The following DOCK1 variants were observed in gnomAD, a reference collection of about 807,000 sequenced individuals.
The protein encoded by DOCK1 is dedicator of cytokinesis protein 1.
Under a neutral mutation model 262.7 loss-of-function variants are expected in DOCK1, and 138 were observed. The observed-to-expected ratio is 0.53, with a 90% CI of 0.46 to 0.61. The LOEUF (loss-of-function observed/expected upper bound fraction) is 0.61. Among genes scored for constraint, DOCK1 ranks in the 20% least tolerant of loss-of-function variants. The pLI is 0.00. For missense variants in DOCK1, 1,908 were observed against 2,370.7 expected (o/e 0.80, Z 4.05); for synonymous variants, 866 against 867.4 (o/e 1.00, Z 0.03).
chr10:127,022,299 AGGCTG>A (rs2135441523), intron 13 of DOCK1, among the ~76,000 whole-genome samples: 1 of 151,672 alleles, frequency 6.6e-6, no homozygotes, highest in African/African-American at 2.4e-5. Flanking sequence ...CCCTGATTCT[AGGCTG>A]GTGATCCTCA....
At chr10:127,192,044 G>A (rs1318305468) in intron 27 of DOCK1, among the ~76,000 whole-genome samples, 1 of 152,212 alleles carries the variant, frequency 6.6e-6, no homozygotes, top group African/African-American at 2.4e-5. Context: ...ACTTCAACAA[G>A]CATTTTGATA....
chr10:127,302,742 G>A (rs1324772453), intron 29 of DOCK1, among the ~76,000 whole-genome samples: 79 of 71,434 alleles, frequency 1.1e-3, no homozygotes, highest in South Asian at 3.1e-3. Context: ...AAAAGAGGGG[G>A]TGTGTGTGTG....
intron 49 of DOCK1, 113 bp from the exon 50 acceptor site, chr10:127,444,013 A>T: frequency 7.3e-7 from 1 of 1,362,186 alleles, no homozygotes; most frequent in Non-Finnish European, 1.0e-6. Context: ...ATTTCCAGTT[A>T]AGGTCATATT....
At chr10:127,336,727 A>G (rs373681112) in intron 29 of DOCK1, among the ~76,000 whole-genome samples, 63 of 151,848 alleles carry the variant, frequency 4.1e-4, no homozygotes, top group East Asian at 2.9e-3. Context: ...TTTTAGTAGA[A>G]ACGGGGTTTC....
At chr10:127,088,481 T>A (rs761090496) in intron 23 of DOCK1, among the ~76,000 whole-genome samples, 1 of 152,230 alleles carries the variant, frequency 6.6e-6, no homozygotes, top group Non-Finnish European at 1.5e-5. Context: ...TGGATATATG[T>A]CTCTGAACTC....
intron 28 of DOCK1, among the ~76,000 whole-genome samples, chr10:127,252,721 G>T (rs1278310933): frequency 2.7e-5 from 4 of 150,398 alleles, no homozygotes; most frequent in African/African-American, 9.7e-5. Flanking sequence ...ATTTCTGAGG[G>T]CTCTGTTCTG....
At chr10:127,119,894 T>A (rs536259087) in intron 25 of DOCK1, among the ~76,000 whole-genome samples, 2 of 152,262 alleles carry the variant, frequency 1.3e-5, no homozygotes, top group South Asian at 4.1e-4. Flanking sequence ...ATAATGCTTA[T>A]TGAATACCTT....
chr10:127,388,334 CATA>C (rs2066256833), intron 38 of DOCK1, among the ~76,000 whole-genome samples: 1 of 152,156 alleles, frequency 6.6e-6, no homozygotes, highest in African/African-American at 2.4e-5. Flanking sequence ...TCTGAATATC[CATA>C]ATATTTCCAC....
intron 27 of DOCK1, among the ~76,000 whole-genome samples, chr10:127,226,590 A>G (rs2058650142): frequency 6.6e-6 from 1 of 152,042 alleles, no homozygotes; most frequent in Non-Finnish European, 1.5e-5. Context: ...TAAAAAATAC[A>G]ACAATTAGCT....
chr10:127,172,806 C>T (rs1424531358), intron 27 of DOCK1, among the ~76,000 whole-genome samples: 1 of 152,146 alleles, frequency 6.6e-6, no homozygotes, highest in Non-Finnish European at 1.5e-5. Flanking sequence ...TCCTCAGATG[C>T]TTAAGAACCA....
At chr10:127,318,513 G>C (rs1169240925) in intron 29 of DOCK1, among the ~76,000 whole-genome samples, 1 of 152,184 alleles carries the variant, frequency 6.6e-6, no homozygotes, top group Non-Finnish European at 1.5e-5. Flanking sequence ...TGCAAGGATG[G>C]GGGCCCAGCA....
At chr10:127,377,170 T>G (rs894992549) in intron 35 of DOCK1, among the ~76,000 whole-genome samples, 5 of 152,206 alleles carry the variant, frequency 3.3e-5, no homozygotes, top group African/African-American at 1.2e-4. Context: ...TCACAGTTTT[T>G]TCATTTAGAA....
intron 15 of DOCK1, among the ~76,000 whole-genome samples, chr10:127,025,528 C>A (rs2042774251): frequency 6.6e-6 from 1 of 152,116 alleles, no homozygotes; most frequent in South Asian, 2.1e-4. Context: ...CTCACTGCAA[C>A]CTCCACTTCC....
At chr10:127,055,187 T>C (rs2045050896) in intron 22 of DOCK1, among the ~76,000 whole-genome samples, 1 of 152,132 alleles carries the variant, frequency 6.6e-6, no homozygotes, top group South Asian at 2.1e-4. Context: ...TCACATAATG[T>C]GCAGCCCGGA....
At chr10:127,345,904 T>A (rs2063612814) in intron 31 of DOCK1, among the ~76,000 whole-genome samples, 1 of 152,214 alleles carries the variant, frequency 6.6e-6, no homozygotes, top group African/African-American at 2.4e-5. Flanking sequence ...TGCTGGGAAT[T>A]GTAGTGCAGA....
At chr10:126,923,899 A>G (rs1014020207) in intron 1 of DOCK1, among the ~76,000 whole-genome samples, 16 of 152,178 alleles carry the variant, frequency 1.1e-4, no homozygotes, top group African/African-American at 3.6e-4. Flanking sequence ...GGTGCCTTCT[A>G]TGAGCCAGGA....
intron 1 of DOCK1, among the ~76,000 whole-genome samples, chr10:126,953,282 G>C (rs940340445): frequency 6.7e-6 from 1 of 150,186 alleles, no homozygotes; most frequent in Non-Finnish European, 1.5e-5. Context: ...TAGTGTTGTG[G>C]TGTGGTGTGG....
Position 127,175,716 on chromosome 10 carries a change from C to T in DOCK1, c.2847+47952C>T, listed in dbSNP as rs760887375. 2.5e-6 allele frequency: 4 copies of T among 1,613,922 alleles called. No individual in the cohort carries two copies. The highest frequency in any genetic ancestry group is 1.3e-5 in the African/African-American group (1 of 74,922). On this transcript the variant is annotated intron_variant, in intron 27 of 51. Transcript: ENST00000623213. The surrounding 1 kb of genome is among the most constrained non-coding windows in gnomAD (Gnocchi z 6.3). ...TGGCCTCCCCCGGTCCTGCTTGGCC[C>T]TCCCGAGCAGCTGGTAATCGGGCTC...
At chr10:127,368,184 C>T (rs1428280558) in intron 33 of DOCK1, among the ~76,000 whole-genome samples, 1 of 152,212 alleles carries the variant, frequency 6.6e-6, no homozygotes, top group African/African-American at 2.4e-5. Context: ...TCATCACCAC[C>T]TCCCCAGAGC....
Sources: gnomAD v4.1 joint callset for allele counts (sites outside exome capture counted in the v4.1 genomes callset) on GRCh38, gnomAD v4.1.1 for gene constraint, Gnocchi (gnomAD v3.1) non-coding constraint, MANE v1.5 for transcripts, NCBI Gene and HGNC (gene_info 2026-07-23, HGNC 2026-07-21) for gene names.